Variants in NKAIN2 observed in about 807,000 individuals in gnomAD.
NKAIN2 encodes the protein sodium/potassium transporting ATPase interacting 2.
Under a neutral mutation model 32.6 loss-of-function variants are expected in NKAIN2, and 14 were observed. That is an observed-to-expected ratio of 0.43 (90% CI 0.28 to 0.67). The LOEUF is 0.67. NKAIN2 is among the 30% of genes least tolerant of loss of function. NKAIN2 has a pLI of 0.17. For synonymous variants in NKAIN2, 80 were observed against 87.2 expected, an observed-to-expected ratio of 0.92 and a Z score of 0.46; for missense variants, 198 against 258.3, an observed-to-expected ratio of 0.77 and a Z score of 1.60.
chr6:124,451,484 G>T (rs981106271), intron 3 of NKAIN2, among the ~76,000 whole-genome samples: 1 of 152,126 alleles, frequency 6.6e-6, no homozygotes. Context: ...GGGAAGACCC[G>T]ATCTGGAGTA....
intron 1 of NKAIN2, among the ~76,000 whole-genome samples, chr6:124,104,037 A>T (rs544014693): frequency 6.6e-6 from 1 of 152,132 alleles, no homozygotes; most frequent in African/African-American, 2.4e-5. Flanking sequence ...AGTGAGCTTG[A>T]GATTGCGCCA....
In NKAIN2 at chr6:124,823,783, CTT is replaced by C; in HGVS notation, c.*555_*556del. 6.5e-6 allele frequency: 1 copy of C among 154,906 alleles called. No homozygotes were observed. Among genetic ancestry groups the C allele is most frequent in the Non-Finnish European group, 1.4e-5 (1 of 69,542 alleles). 9.6% of individuals were successfully genotyped at this position (154,906 alleles called of 1,614,324 possible). A position where few individuals can be genotyped will look rare whatever the true frequency, so the allele number is the denominator to read the frequency against. On this transcript the variant is annotated 3_prime_UTR_variant, in exon 7 of 7. Transcript: ENST00000368417. ...TGCCCTAAAGGCTGTACCGTACATA[CTT>C]GCCTTAACCCACCTACATTGTGTGC...
chr6:124,422,179 T>A (rs1218554591), intron 3 of NKAIN2, among the ~76,000 whole-genome samples: 1 of 152,164 alleles, frequency 6.6e-6, no homozygotes, highest in Non-Finnish European at 1.5e-5. Flanking sequence ...ATGTCAGTTC[T>A]GTTATTTGGC....
intron 3 of NKAIN2, among the ~76,000 whole-genome samples, chr6:124,440,579 C>T (rs1465838106): frequency 6.6e-6 from 1 of 152,010 alleles, no homozygotes; most frequent in East Asian, 1.9e-4. Flanking sequence ...AAGTGAGTAC[C>T]AAGAAATGTC....
chr6:123,890,144 A>G (rs189326045), intron 1 of NKAIN2, among the ~76,000 whole-genome samples: 6 of 152,064 alleles, frequency 3.9e-5, no homozygotes, highest in Non-Finnish European at 8.8e-5. Context: ...TTATTACCTC[A>G]TGTAAAAAGA....
At chr6:124,375,320 A>T (rs1439374837) in intron 3 of NKAIN2, among the ~76,000 whole-genome samples, 1 of 150,768 alleles carries the variant, frequency 6.6e-6, no homozygotes, top group Non-Finnish European at 1.5e-5. Context: ...CTTTCCTGTG[A>T]AAATGGGGAC....
At chr6:124,365,624 T>G (rs551092693) in intron 3 of NKAIN2, among the ~76,000 whole-genome samples, 22 of 151,952 alleles carry the variant, frequency 1.4e-4, no homozygotes, top group African/African-American at 5.3e-4. Context: ...GATACATCAA[T>G]CAGATGAAAA....
chr6:124,793,433 T>C (rs1779835663), intron 5 of NKAIN2, among the ~76,000 whole-genome samples: 2 of 152,118 alleles, frequency 1.3e-5, no homozygotes, highest in Non-Finnish European at 2.9e-5. Context: ...CATTGAGATA[T>C]TACCATTCAG....
chr6:124,002,854 C>T (rs1779934233), intron 1 of NKAIN2, among the ~76,000 whole-genome samples: 1 of 152,148 alleles, frequency 6.6e-6, no homozygotes, highest in Admixed American at 6.6e-5. Flanking sequence ...TAGACTTTGG[C>T]AAGCTTTGAA....
intron 1 of NKAIN2, among the ~76,000 whole-genome samples, chr6:124,023,555 T>C (rs1311169810): frequency 6.6e-6 from 1 of 152,216 alleles, no homozygotes; most frequent in Non-Finnish European, 1.5e-5. Flanking sequence ...TCTACAATGT[T>C]AACTCATTGA....
chr6:123,897,871 G>C (rs1408894851), intron 1 of NKAIN2, among the ~76,000 whole-genome samples: 6 of 152,120 alleles, frequency 3.9e-5, no homozygotes, highest in Non-Finnish European at 8.8e-5. Context: ...ATCTACCTGG[G>C]CTGGTTCTGT....
intron 3 of NKAIN2, among the ~76,000 whole-genome samples, chr6:124,505,434 T>G (rs1209646654): frequency 1.3e-5 from 2 of 152,224 alleles, no homozygotes; most frequent in African/African-American, 4.8e-5. Context: ...AAATGCGTTT[T>G]AACTCCAGAA....
intron 4 of NKAIN2, among the ~76,000 whole-genome samples, chr6:124,788,314 C>T (rs1053459344): frequency 6.6e-6 from 1 of 152,000 alleles, no homozygotes; most frequent in South Asian, 2.1e-4. Context: ...AAAAGTGCTT[C>T]CCAACCCAAA....
chr6:124,418,626 A>C (rs1774608102), intron 3 of NKAIN2, among the ~76,000 whole-genome samples: 1 of 149,562 alleles, frequency 6.7e-6, no homozygotes, highest in African/African-American at 2.4e-5. Context: ...CAAATCGTAT[A>C]CAACAAACTA....
At chr6:124,664,937 A>T (rs895896029) in intron 4 of NKAIN2, among the ~76,000 whole-genome samples, 10 of 152,080 alleles carry the variant, frequency 6.6e-5, no homozygotes, top group Non-Finnish European at 1.5e-4. Context: ...TCTTTAAATA[A>T]AAGAAGGTGA....
At chr6:124,013,717 T>G (rs1364315008) in intron 1 of NKAIN2, among the ~76,000 whole-genome samples, 1 of 152,150 alleles carries the variant, frequency 6.6e-6, no homozygotes, top group Non-Finnish European at 1.5e-5. Flanking sequence ...GGGGGAAAGA[T>G]TATCCAGGTG....
At chr6:124,212,021 T>C (rs572059031) in intron 1 of NKAIN2, among the ~76,000 whole-genome samples, 1 of 152,210 alleles carries the variant, frequency 6.6e-6, no homozygotes, top group South Asian at 2.1e-4. Flanking sequence ...TTTGTGGGAT[T>C]TACAGTTTAT....
In NKAIN2 at chr6:124,700,059, A is replaced by G. The variant is rs140822843; in HGVS notation, c.474+41673A>G. Reference sequence around the variant, plus strand: ...TTCTCTGCTCAGAAAAAATACATAAAGAAGTGTGTATTTATAAAGATGATT... The same window carrying G: ...TTCTCTGCTCAGAAAAAATACATAAGGAAGTGTGTATTTATAAAGATGATT... On this transcript the variant is annotated intron_variant, in intron 4 of 6. Transcript: ENST00000368417. 3.6e-4 allele frequency among the ~76,000 whole-genome samples: 55 copies of G among 152,328 alleles called. 1 individual carries two copies. The East Asian group carries it at 0.01, about 29-fold the overall frequency.
chr6:124,648,394 G>A (rs890556519), intron 3 of NKAIN2, among the ~76,000 whole-genome samples: 1 of 152,126 alleles, frequency 6.6e-6, no homozygotes, highest in Non-Finnish European at 1.5e-5. Context: ...AAAATAGGGA[G>A]AAAAAATTGA....
Sources: gnomAD v4.1 joint callset for allele counts (sites outside exome capture counted in the v4.1 genomes callset) on GRCh38, gnomAD v4.1.1 for gene constraint, MANE v1.5 for transcripts, NCBI Gene and HGNC (gene_info 2026-07-23, HGNC 2026-07-21) for gene names.